SCP2: variants seen among roughly 807,000 people sequenced by gnomAD.
The protein encoded by SCP2 is sterol carrier protein 2.
Under a neutral mutation model 71.4 loss-of-function variants are expected in SCP2, and 48 were observed. That is an observed-to-expected ratio of 0.67 (90% CI 0.53 to 0.86). The LOEUF (loss-of-function observed/expected upper bound fraction) is 0.86, where lower values mean the gene tolerates loss of function less well. SCP2 is among the 40% of genes least tolerant of loss of function. The pLI is 0.00. For synonymous variants in SCP2, 220 were observed against 218.1 expected (o/e 1.01, Z -0.08); for missense variants, 560 against 655.6 (o/e 0.85, Z 1.59).
rs1658396626 is a variant in SCP2, at chr1:52,980,559, A to G, written c.973+16A>G. 6.2e-7 allele frequency: 1 copy of G among 1,608,300 alleles called. No individual in the cohort carries two copies. Among genetic ancestry groups the G allele is most frequent in the South Asian group, 1.1e-5 (1 of 90,962 alleles). ...TGTCCAGAAGGTAACATCTTTGAAT[A>G]GGGCAGATTAATTCAGTAAATTTCA... On this transcript the variant is annotated intron_variant, in intron 10 of 15. Coordinates refer to ENST00000371514, the MANE Select transcript of SCP2 (RefSeq NM_002979.5).
intron 12 of SCP2, among the ~76,000 whole-genome samples, chr1:53,025,348 T>A (rs1330619130): frequency 6.6e-6 from 1 of 152,184 alleles, no homozygotes; most frequent in East Asian, 1.9e-4. Context: ...TCTGTTACAG[T>A]CCCTGCCCAG....
Position 52,947,999 on chromosome 1 carries a change from G to GT in SCP2, c.128-5dup. On this transcript the variant is annotated splice_polypyrimidine_tract_variant and intron_variant, in intron 2 of 15. Coordinates refer to ENST00000371514, the MANE Select transcript of SCP2 (RefSeq NM_002979.5). ...AAGCACTTTTTGATAAAAACCTTTC[G>GT]TTTTTATAGGCAAGAAGGCTTTAGC... The GT allele has an allele frequency of 1.2e-6, 2 of 1,604,716 alleles. No homozygotes were observed. The highest frequency in any genetic ancestry group is 1.7e-6 in the Non-Finnish European group (2 of 1,171,728).
At chr1:52,969,508 T>G (rs1281347833) in intron 6 of SCP2, among the ~76,000 whole-genome samples, 1 of 150,550 alleles carries the variant, frequency 6.6e-6, no homozygotes, top group African/African-American at 2.5e-5. Flanking sequence ...GACCCTGTTT[T>G]TGTTTGTTTG....
intron 4 of SCP2, among the ~76,000 whole-genome samples, chr1:52,952,505 C>T (rs919412400): frequency 6.6e-6 from 1 of 152,186 alleles, no homozygotes; most frequent in Non-Finnish European, 1.5e-5. Context: ...AGGATGGCTA[C>T]ACCACATTTC....
intron 6 of SCP2, among the ~76,000 whole-genome samples, chr1:52,968,030 T>G (rs1479171268): frequency 2.0e-5 from 3 of 152,308 alleles, no homozygotes; most frequent in African/African-American, 7.2e-5. Context: ...ACACTCTGCC[T>G]CCTGGGTTCA....
At chr1:53,015,083 C>T in intron 12 of SCP2, 40 bp downstream of exon 12, 1 of 1,595,876 alleles carries the variant, frequency 6.3e-7, no homozygotes, top group East Asian at 2.2e-5. Flanking sequence ...GTTAATCCTT[C>T]TGACTTTTCA....
At chr1:52,935,598 A>G (rs1224127503) in intron 1 of SCP2, among the ~76,000 whole-genome samples, 2 of 150,742 alleles carry the variant, frequency 1.3e-5, no homozygotes, top group Non-Finnish European at 2.9e-5. Flanking sequence ...AAAAAAAAAA[A>G]AAAAGAAAAA....
At chr1:52,951,507 T>A (rs1655301060) in intron 4 of SCP2, among the ~76,000 whole-genome samples, 1 of 141,136 alleles carries the variant, frequency 7.1e-6, no homozygotes, top group African/African-American at 2.7e-5. Flanking sequence ...GGAGGATGTA[T>A]GATCATACCA....
At chr1:52,927,920 C>T (rs1416707395) in intron 1 of SCP2, among the ~76,000 whole-genome samples, 2 of 152,182 alleles carry the variant, frequency 1.3e-5, no homozygotes, top group Admixed American at 1.3e-4. Flanking sequence ...TCCGGCCTCC[C>T]TCTGTCCCTC....
chr1:52,967,890 C>T (rs1657123723), intron 6 of SCP2, among the ~76,000 whole-genome samples: 1 of 152,202 alleles, frequency 6.6e-6, no homozygotes, highest in African/African-American at 2.4e-5. Flanking sequence ...TGACTGCCCT[C>T]AGCACCCCTT....
chr1:52,990,770 T>C (rs947993809), intron 11 of SCP2, among the ~76,000 whole-genome samples: 4 of 139,080 alleles, frequency 2.9e-5, no homozygotes, highest in Admixed American at 7.3e-5. Flanking sequence ...ATTAAAGGTA[T>C]AGGTGGAGAA....
At chr1:52,929,685 C>T (rs1301575102) in intron 1 of SCP2, among the ~76,000 whole-genome samples, 2 of 152,136 alleles carry the variant, frequency 1.3e-5, no homozygotes, top group African/African-American at 4.8e-5. Flanking sequence ...TGCAGTGGCG[C>T]GATCTTGGCT....
intron 6 of SCP2, chr1:52,963,553 AC>A (rs1039381399): frequency 3.9e-5 from 6 of 152,184 alleles, no homozygotes; most frequent in African/African-American, 7.2e-5. Context: ...CAAGTTTTTG[AC>A]CAGGATGATA....
At chr1:53,041,327 A>C (rs1393579134) in intron 14 of SCP2, among the ~76,000 whole-genome samples, 1 of 151,626 alleles carries the variant, frequency 6.6e-6, no homozygotes, top group East Asian at 1.9e-4. Flanking sequence ...GCTTGAACCC[A>C]GGAGGCGGAG....
At chr1:53,029,959 G>T (rs1662415134) in intron 13 of SCP2, among the ~76,000 whole-genome samples, 1 of 151,940 alleles carries the variant, frequency 6.6e-6, no homozygotes, top group Non-Finnish European at 1.5e-5. Context: ...CGCGATCTTG[G>T]CTCACTGCAA....
At chr1:53,019,807 G>GA (rs1366013726) in intron 12 of SCP2, among the ~76,000 whole-genome samples, 1 of 152,222 alleles carries the variant, frequency 6.6e-6, no homozygotes, top group Non-Finnish European at 1.5e-5. Context: ...TTAGCAGTTA[G>GA]AATGAGGAAT....
intron 11 of SCP2, chr1:52,995,424 C>T: frequency 2.2e-6 from 1 of 450,926 alleles, no homozygotes; most frequent in Non-Finnish European, 4.5e-6. Flanking sequence ...GCAGTGTTAC[C>T]ACCTGTCTCC....
At chr1:52,987,888 T>C (rs1420412704) in intron 10 of SCP2, 141 bp from the exon 11 acceptor site, 1 of 639,508 alleles carries the variant, frequency 1.6e-6, no homozygotes, top group African/African-American at 1.8e-5. Flanking sequence ...TTAAAAGTGC[T>C]TATGTCAAAT....
intron 6 of SCP2, among the ~76,000 whole-genome samples, chr1:52,962,862 G>A (rs1302381752): frequency 1.3e-5 from 2 of 151,304 alleles, no homozygotes; most frequent in Admixed American, 6.6e-5. Context: ...ACATATATCT[G>A]ACACATACAT....
Sources: gnomAD v4.1 joint callset for allele counts (sites outside exome capture counted in the v4.1 genomes callset) on GRCh38, gnomAD v4.1.1 for gene constraint, MANE v1.5 for transcripts, NCBI Gene and HGNC (gene_info 2026-07-23, HGNC 2026-07-21) for gene names.